Variants in DLGAP2 observed in about 807,000 individuals in gnomAD.
The protein encoded by DLGAP2 is disks large-associated protein 2.
In DLGAP2, 26 loss-of-function variants were observed where a neutral mutation model predicts 100.3. The ratio of observed to expected loss-of-function variants is 0.26; its 90% CI spans 0.19 to 0.36. The LOEUF is 0.36. DLGAP2 is among the 10% of genes least tolerant of loss of function. The probability of loss-of-function intolerance (pLI) is 1.00; values close to 1 mark genes in which losing one functional copy is unlikely to be tolerated. For synonymous variants in DLGAP2, 886 were observed against 630.1 expected, an observed-to-expected ratio of 1.41 and a Z score of -6.08; for missense variants, 1,858 against 1,453.2, an observed-to-expected ratio of 1.28 and a Z score of -4.53.
Position 1,594,815 on chromosome 8 carries a change from G to A in DLGAP2, c.1442+28921G>A, listed in dbSNP as rs543052513. 1.3e-4 allele frequency among the ~76,000 whole-genome samples: 20 copies of A among 152,086 alleles called. No individual in the cohort carries two copies. In the South Asian group the frequency reaches 3.1e-3, roughly 24 times the overall value. On this transcript the variant is annotated intron_variant, in intron 6 of 14. Transcript: ENST00000637795. ...AAAAAAGTTAAACATTTTAAAAGTC[G>A]AACACTCATTCCTGCCCCTGATCTT... is the stretch of plus-strand genomic sequence containing the variant.
chr8:1,154,586 C>T (rs775871709), intron 2 of DLGAP2, among the ~76,000 whole-genome samples: 1 of 151,650 alleles, frequency 6.6e-6, no homozygotes, highest in Non-Finnish European at 1.5e-5. Flanking sequence ...TTTCTTCTTT[C>T]ATCGCAATCA....
At chr8:774,688 G>A (rs1406980343) in intron 1 of DLGAP2, among the ~76,000 whole-genome samples, 4 of 151,736 alleles carry the variant, frequency 2.6e-5, no homozygotes. Context: ...TGAGGGCTCT[G>A]TTCTGTTCCA....
intron 3 of DLGAP2, among the ~76,000 whole-genome samples, chr8:1,491,397 T>TCGGAGGCTTCAGGCTGCTCCTCCGATCC (rs56365838): frequency 6.7e-6 from 1 of 149,474 alleles, no homozygotes; most frequent in Non-Finnish European, 1.5e-5. Flanking sequence ...CCCCCTGACC[T>TCGGAGGCTTCAGGCTGCTCCTCCGATCC]CGGAGGCTTC....
At chr8:1,551,820 A>G (rs1801777174) in intron 5 of DLGAP2, among the ~76,000 whole-genome samples, 1 of 152,190 alleles carries the variant, frequency 6.6e-6, no homozygotes. Context: ...CTTTTGAAAC[A>G]TAACCACCTG....
At chr8:1,460,848 G>C (rs551758324) in intron 3 of DLGAP2, among the ~76,000 whole-genome samples, 2 of 152,308 alleles carry the variant, frequency 1.3e-5, no homozygotes, top group South Asian at 4.1e-4. Flanking sequence ...CTACTCATCT[G>C]GGTGGCCAGT....
At position 1,381,234 on chromosome 8, in the gene DLGAP2, C is replaced by T. The variant is rs936766506; in HGVS notation, c.107-120132C>T. ...AGACCGTGAAGGACATTTAACCTCA[C>T]CACCAATTCCATGTGTGCCCATGAA... is the stretch of plus-strand genomic sequence containing the variant. On this transcript the variant is annotated intron_variant, in intron 3 of 14. Coordinates refer to ENST00000637795, the MANE Select transcript of DLGAP2 (RefSeq NM_001346810.2). The T allele has an allele frequency of 3.9e-5, 6 of 152,294 alleles. No homozygotes were observed. The East Asian group carries it at 7.7e-4, about 20-fold the overall frequency. 9.4% of individuals were successfully genotyped at this position (152,294 alleles called of 1,614,324 possible).
At position 1,088,474 on chromosome 8, in the gene DLGAP2, TG is replaced by T. The variant is rs1804051279; in HGVS notation, c.74-170376del. Among the ~76,000 whole-genome samples the T allele has an allele frequency of 5.9e-5, 9 of 152,338 alleles. 1 individual carries two copies. In the South Asian group the frequency reaches 1.9e-3, roughly 32 times the overall value. ...CACTGCCGGAAATTCAGAAAACAGC[TG>T]AATTTTAGTCTTTCTCTGTCTGTTT... is the stretch of plus-strand genomic sequence containing the variant. On this transcript the variant is annotated intron_variant, in intron 2 of 14. Transcript: ENST00000637795.
chr8:1,492,736 G>A (rs1442829107), intron 3 of DLGAP2, among the ~76,000 whole-genome samples: 12 of 152,176 alleles, frequency 7.9e-5, no homozygotes, highest in Admixed American at 7.2e-4. Context: ...ACCTTCCCCG[G>A]CTCCATGCTC....
chr8:866,988 C>G (rs890182754), intron 1 of DLGAP2, among the ~76,000 whole-genome samples: 6 of 152,126 alleles, frequency 3.9e-5, no homozygotes, highest in Admixed American at 6.5e-5. Context: ...GGTTTGTTCT[C>G]TCTCCAAATC....
chr8:1,132,665 G>C (rs958101528), intron 2 of DLGAP2, among the ~76,000 whole-genome samples: 2 of 152,332 alleles, frequency 1.3e-5, no homozygotes, highest in African/African-American at 4.8e-5. Context: ...AGAGCACTGG[G>C]CAAGGAGACC....
intron 1 of DLGAP2, among the ~76,000 whole-genome samples, chr8:852,019 C>G (rs1211505855): frequency 6.6e-6 from 1 of 152,216 alleles, no homozygotes; most frequent in African/African-American, 2.4e-5. Flanking sequence ...GCCCCTAAAC[C>G]CAAGCTCCCA....
intron 3 of DLGAP2, among the ~76,000 whole-genome samples, chr8:1,282,648 A>G (rs1171209763): frequency 7.0e-5 from 7 of 99,368 alleles, no homozygotes; most frequent in East Asian, 8.2e-4. Flanking sequence ...AACCCAGCGC[A>G]TGAACCATCC....
intron 1 of DLGAP2, among the ~76,000 whole-genome samples, chr8:812,675 T>A (rs146134271): frequency 6.6e-6 from 1 of 152,322 alleles, no homozygotes; most frequent in African/African-American, 2.4e-5. Context: ...TAGCTACAGA[T>A]CCTTGCATTT....
intron 1 of DLGAP2, 134 bp downstream of exon 1, chr8:737,959 C>A: frequency 5.9e-6 from 2 of 336,584 alleles, no homozygotes; most frequent in Non-Finnish European, 1.1e-5. Context: ...GAGCGGGGGT[C>A]GTGCCGCCCG....
At chr8:1,508,928 C>G (rs1184641931) in intron 4 of DLGAP2, among the ~76,000 whole-genome samples, 1 of 152,068 alleles carries the variant, frequency 6.6e-6, no homozygotes. Context: ...TTCTGCAGTT[C>G]TTTAGAGCAC....
intron 2 of DLGAP2, among the ~76,000 whole-genome samples, chr8:1,174,670 A>G (rs916155928): frequency 6.7e-6 from 1 of 149,470 alleles, no homozygotes; most frequent in African/African-American, 2.4e-5. Flanking sequence ...TGTCATCATC[A>G]CCATCACCAC....
chr8:1,147,059 A>G (rs1282009401), intron 2 of DLGAP2, among the ~76,000 whole-genome samples: 1 of 152,198 alleles, frequency 6.6e-6, no homozygotes, highest in African/African-American at 2.4e-5. Context: ...AATTTATGGA[A>G]TCCGTAAATT....
intron 3 of DLGAP2, among the ~76,000 whole-genome samples, chr8:1,423,020 G>A (rs1238772768): frequency 6.6e-6 from 1 of 152,122 alleles, no homozygotes; most frequent in Non-Finnish European, 1.5e-5. Context: ...AGCACATCAG[G>A]ATACATGGTG....
chr8:1,301,595 C>T (rs1225927937), intron 3 of DLGAP2: 1 of 152,212 alleles, frequency 6.6e-6, no homozygotes, highest in Non-Finnish European at 1.5e-5. Flanking sequence ...TGTGCATGGG[C>T]GTCCCTGCCT....
Sources: gnomAD v4.1 joint callset for allele counts (sites outside exome capture counted in the v4.1 genomes callset) on GRCh38, gnomAD v4.1.1 for gene constraint, MANE v1.5 for transcripts, NCBI Gene and HGNC (gene_info 2026-07-23, HGNC 2026-07-21) for gene names.